NDST3: variants seen among roughly 807,000 people sequenced by gnomAD.
NDST3 encodes N-deacetylase and N-sulfotransferase 3.
NDST3 carries 58 observed loss-of-function variants against 96.1 expected under a neutral mutation model. That is an observed-to-expected ratio of 0.60 (90% CI 0.49 to 0.75). The LOEUF is 0.75. Among genes scored for constraint, NDST3 ranks in the 30% least tolerant of loss-of-function variants. The pLI is 0.00. For synonymous variants in NDST3, 333 were observed against 359.7 expected, an observed-to-expected ratio of 0.93 and a Z score of 0.84; for missense variants, 788 against 1,034.2, an observed-to-expected ratio of 0.76 and a Z score of 3.27.
chr4:118,240,357 C>A (rs1740927278), intron 10 of NDST3, among the ~76,000 whole-genome samples, 167 bp from the exon 11 acceptor site: 1 of 152,092 alleles, frequency 6.6e-6, no homozygotes, highest in South Asian at 2.1e-4. Context: ...AACTTTAAAT[C>A]CTGATGCTCC....
At chr4:118,185,871 A>C (rs1003655440) in intron 6 of NDST3, among the ~76,000 whole-genome samples, 2 of 152,168 alleles carry the variant, frequency 1.3e-5, no homozygotes, top group Non-Finnish European at 2.9e-5. Context: ...GGCTGCACTT[A>C]AAGTATGTAA....
intron 2 of NDST3, among the ~76,000 whole-genome samples, chr4:118,064,430 C>T (rs958400801): frequency 1.5e-4 from 23 of 152,084 alleles, no homozygotes; most frequent in African/African-American, 5.5e-4. Flanking sequence ...ATCTTAAAAT[C>T]ATGATGTTAA....
chr4:118,070,459 C>T (rs1726963218), intron 2 of NDST3, among the ~76,000 whole-genome samples: 1 of 152,052 alleles, frequency 6.6e-6, no homozygotes, highest in African/African-American at 2.4e-5. Flanking sequence ...CCCTGAATAA[C>T]ATTATCCATC....
At chr4:118,121,836 C>A (rs531504561) in intron 4 of NDST3, among the ~76,000 whole-genome samples, 1 of 152,230 alleles carries the variant, frequency 6.6e-6, no homozygotes, top group Non-Finnish European at 1.5e-5. Flanking sequence ...CCCCTCTTAC[C>A]CATATCTACA....
chr4:118,237,685 T>C (rs990209409), intron 10 of NDST3, among the ~76,000 whole-genome samples: 3 of 152,210 alleles, frequency 2.0e-5, no homozygotes, highest in Admixed American at 2.0e-4. Context: ...TGTAAATGCA[T>C]AAGCATTCCT....
chr4:118,168,870 C>G lies in NDST3; in HGVS notation c.1539+25186C>G, dbSNP rs561622814. On this transcript the variant is annotated intron_variant, in intron 6 of 13. Transcript: ENST00000296499. Reference sequence around the variant, plus strand: ...ATTATGCTAAGTGAAATAAGTCAGTCACAGAAGAACAAATACTGCTTGATT... The same window carrying G: ...ATTATGCTAAGTGAAATAAGTCAGTGACAGAAGAACAAATACTGCTTGATT... Among the ~76,000 whole-genome samples, 19 of 152,242 alleles carry G rather than the reference C, an allele frequency of 1.2e-4. No homozygotes were observed. The South Asian group carries it at 3.7e-3, about 30-fold the overall frequency.
chr4:118,090,396 C>T (rs1415676179), intron 2 of NDST3, among the ~76,000 whole-genome samples: 1 of 151,908 alleles, frequency 6.6e-6, no homozygotes, highest in African/African-American at 2.4e-5. Flanking sequence ...GAATGGATTG[C>T]CCCATCCTAT....
chr4:118,084,231 A>C (rs1728238534), intron 2 of NDST3, among the ~76,000 whole-genome samples: 1 of 152,162 alleles, frequency 6.6e-6, no homozygotes, highest in African/African-American at 2.4e-5. Flanking sequence ...ATAAAAACAA[A>C]AAAAAAATAG....
chr4:118,240,331 C>T (rs1740926165), intron 10 of NDST3, among the ~76,000 whole-genome samples, 193 bp from the exon 11 acceptor site: 1 of 152,124 alleles, frequency 6.6e-6, no homozygotes, highest in South Asian at 2.1e-4. Context: ...CAAAAATTTA[C>T]TCCCATAAGT....
intron 2 of NDST3, among the ~76,000 whole-genome samples, chr4:118,095,443 A>G (rs1483428257): frequency 6.6e-6 from 1 of 151,826 alleles, no homozygotes; most frequent in Non-Finnish European, 1.5e-5. Context: ...CAGTGTAAAG[A>G]GCATAGGACA....
intron 3 of NDST3, among the ~76,000 whole-genome samples, chr4:118,111,070 A>C (rs1730594940): frequency 6.6e-6 from 1 of 152,234 alleles, no homozygotes; most frequent in Non-Finnish European, 1.5e-5. Context: ...CAAGAGCAGA[A>C]AACCAAATAC....
intron 2 of NDST3, among the ~76,000 whole-genome samples, chr4:118,076,438 A>G (rs937613828): frequency 5.4e-5 from 8 of 148,714 alleles, no homozygotes; most frequent in African/African-American, 2.0e-4. Context: ...CCAGCGAGTC[A>G]CAGATGTGGT....
intron 6 of NDST3, among the ~76,000 whole-genome samples, chr4:118,174,162 C>T (rs1736132867): frequency 6.6e-6 from 1 of 152,198 alleles, no homozygotes. Flanking sequence ...GGGAATGCGT[C>T]AGAAGCACAG....
intron 6 of NDST3, among the ~76,000 whole-genome samples, chr4:118,189,008 A>C (rs997492374): frequency 1.3e-5 from 2 of 152,136 alleles, no homozygotes; most frequent in African/African-American, 4.8e-5. Flanking sequence ...GAATTTTAGA[A>C]ATCTGATATA....
chr4:118,236,684 C>T (rs915989284), intron 9 of NDST3, among the ~76,000 whole-genome samples: 13 of 152,080 alleles, frequency 8.5e-5, no homozygotes, highest in Middle Eastern at 3.2e-3. Context: ...TGTTTTAATA[C>T]GATTTTCTTT....
chr4:118,125,063 CA>C (rs1420360007), intron 4 of NDST3, among the ~76,000 whole-genome samples: 1 of 151,960 alleles, frequency 6.6e-6, no homozygotes, highest in African/African-American at 2.4e-5. Context: ...ACTCAATTTC[CA>C]ACTCCTCTCG....
Position 118,256,565 on chromosome 4 carries a change from G to A in NDST3, c.*853G>A, listed in dbSNP as rs1435060751. On this transcript the variant is annotated 3_prime_UTR_variant, in exon 14 of 14. Coordinates refer to ENST00000296499, the MANE Select transcript of NDST3 (RefSeq NM_004784.3). ...ATCGAGAATTCTATGTCCACTTGCT[G>A]TAAGCTGTGAATCTATCCCAGTAGT... 2 of 152,192 alleles carry A rather than the reference G, an allele frequency of 1.3e-5. No individual in the cohort carries two copies. Among genetic ancestry groups the A allele is most frequent in the Non-Finnish European group, 2.9e-5 (2 of 68,026 alleles). The allele number at this position is 152,192 out of a possible 1,614,324, so 9.4% of individuals were successfully genotyped here.
intron 1 of NDST3, among the ~76,000 whole-genome samples, chr4:118,037,847 C>G (rs1297423415): frequency 6.6e-6 from 1 of 152,176 alleles, no homozygotes; most frequent in African/African-American, 2.4e-5. Context: ...TTACCTGACG[C>G]CTTTATTGAT....
intron 4 of NDST3, among the ~76,000 whole-genome samples, chr4:118,137,126 C>T (rs1362212945): frequency 6.6e-6 from 1 of 152,046 alleles, no homozygotes; most frequent in Admixed American, 6.5e-5. Flanking sequence ...TACTATGATT[C>T]TGTGTATGTG....
Sources: allele counts gnomAD v4.1 joint callset (sites outside exome capture counted in the v4.1 genomes callset), GRCh38; gene constraint gnomAD v4.1.1; transcripts MANE v1.5; gene names NCBI Gene and HGNC (gene_info 2026-07-23, HGNC 2026-07-21).